The following KIF13B variants were observed in gnomAD, a reference collection of about 807,000 sequenced individuals.
KIF13B encodes kinesin-like protein KIF13B.
A neutral mutation model predicts 222.0 loss-of-function variants in KIF13B; 127 were observed. The observed-to-expected ratio is 0.57, with a 90% CI of 0.50 to 0.66. The LOEUF is 0.66. Among genes scored for constraint, KIF13B ranks in the 30% least tolerant of loss-of-function variants. The pLI, the probability that KIF13B is intolerant of heterozygous loss-of-function variation, is 0.00. For missense variants in KIF13B, 2,173 were observed against 2,379.0 expected (o/e 0.91, Z 1.80); for synonymous variants, 976 against 919.0 (o/e 1.06, Z -1.12).
At chr8:29,135,625 A>G (rs1202341448) in intron 21 of KIF13B, among the ~76,000 whole-genome samples, 3 of 152,184 alleles carry the variant, frequency 2.0e-5, no homozygotes, top group African/African-American at 7.2e-5. Flanking sequence ...CCACAAACAT[A>G]ACCTTAACAT....
chr8:29,202,159 C>T (rs1198115282), intron 2 of KIF13B, among the ~76,000 whole-genome samples: 6 of 152,056 alleles, frequency 3.9e-5, no homozygotes, highest in East Asian at 1.9e-4. Context: ...AGGGGAAATC[C>T]CTGTAGCTGG....
intron 2 of KIF13B, among the ~76,000 whole-genome samples, chr8:29,203,267 G>A (rs912471046): frequency 3.9e-5 from 6 of 152,158 alleles, no homozygotes; most frequent in African/African-American, 1.4e-4. Context: ...TCACCCATGT[G>A]GGACTGACCC....
chr8:29,101,898 C>T (rs1808804544), intron 35 of KIF13B, among the ~76,000 whole-genome samples: 1 of 150,482 alleles, frequency 6.6e-6, no homozygotes, highest in African/African-American at 2.5e-5. Context: ...AAACACTCCA[C>T]TGGAATTACT....
chr8:29,102,169 T>A (rs1342205164), intron 35 of KIF13B, among the ~76,000 whole-genome samples: 3 of 151,780 alleles, frequency 2.0e-5, no homozygotes, highest in Non-Finnish European at 4.4e-5. Context: ...GACCATGGAC[T>A]AAAAAGGACT....
Position 29,150,367 on chromosome 8 carries a change from AC to A in KIF13B, c.1551del (p.Ser518HisfsTer45). 6.4e-7 allele frequency: 1 copy of A among 1,573,746 alleles called. No homozygotes were observed. The highest frequency in any genetic ancestry group is 8.7e-7 in the Non-Finnish European group (1 of 1,146,896). Reference sequence around the variant, plus strand: ...AGCTGTATTGGACTGGAGACAGATGACCCATTTACAAATGTTCTGTAAGGAG... The same window carrying A: ...AGCTGTATTGGACTGGAGACAGATGACCATTTACAAATGTTCTGTAAGGAG... Reference protein sequence around the residue: ...PQKNTRTFVNGSSVSSPIQLH... With the variant: ...PQKNTRTFVNXSSVSSPIQLH... On this transcript the variant is annotated frameshift_variant, in exon 15 of 40. Coordinates refer to ENST00000524189, the MANE Select transcript of KIF13B (RefSeq NM_015254.4). LOFTEE classifies it high-confidence loss of function.
At chr8:29,169,187 GCA>G (rs1490908168) in intron 10 of KIF13B, among the ~76,000 whole-genome samples, 1 of 152,154 alleles carries the variant, frequency 6.6e-6, no homozygotes, top group Non-Finnish European at 1.5e-5. Flanking sequence ...CAGTCTTTGT[GCA>G]CACACTTTAC....
chr8:29,225,263 A>G (rs1814970100), intron 2 of KIF13B, among the ~76,000 whole-genome samples: 1 of 152,362 alleles, frequency 6.6e-6, no homozygotes, highest in South Asian at 2.1e-4. Context: ...GTCCAGCCAC[A>G]GTTATGAGCA....
intron 1 of KIF13B, 151 bp downstream of exon 1, chr8:29,262,829 G>A (rs1030783085): frequency 1.3e-5 from 7 of 544,256 alleles, no homozygotes; most frequent in Non-Finnish European, 2.2e-5. Flanking sequence ...GTCTCAGCGC[G>A]GGAGCGGGTT....
At chr8:29,192,098 T>A (rs1192461404) in intron 3 of KIF13B, among the ~76,000 whole-genome samples, 2 of 152,188 alleles carry the variant, frequency 1.3e-5, no homozygotes, top group Non-Finnish European at 2.9e-5. Context: ...ATGCTGTCAT[T>A]TCCATTACTG....
chr8:29,093,553 CACA>C (rs1427234533), intron 36 of KIF13B, among the ~76,000 whole-genome samples: 3 of 152,142 alleles, frequency 2.0e-5, no homozygotes, highest in Non-Finnish European at 2.9e-5. Context: ...GCCGTATTCA[CACA>C]ACATTTAGAA....
In KIF13B at chr8:29,102,691, G is replaced by A. The variant is rs76731922; in HGVS notation, c.4216-3450C>T. On this transcript the variant is annotated intron_variant, in intron 35 of 39. Transcript: ENST00000524189. ...TAACGAGAAGTGCCAGTGACATTTC[G>A]GGTCCAATGGCAGCTTTCACTGCAG... 5.8e-3 allele frequency among the ~76,000 whole-genome samples: 889 copies of A among 152,288 alleles called. 5 individuals carry two copies. Among genetic ancestry groups the A allele is most frequent in the African/African-American group, 0.021 (853 of 41,560 alleles).
At chr8:29,087,686 G>A (rs771152758) in intron 37 of KIF13B, among the ~76,000 whole-genome samples, 1 of 152,204 alleles carries the variant, frequency 6.6e-6, no homozygotes, top group East Asian at 1.9e-4. Context: ...GCCAGCATTT[G>A]CAAGCCCAGG....
chr8:29,163,566 T>C (rs930509237), intron 12 of KIF13B, among the ~76,000 whole-genome samples: 4 of 152,226 alleles, frequency 2.6e-5, no homozygotes, highest in African/African-American at 7.2e-5. Flanking sequence ...TTATTAACAC[T>C]TTGTAGCTCT....
At chr8:29,262,939 G>A (rs1006060836) in intron 1 of KIF13B, 41 bp downstream of exon 1, 5 of 1,514,746 alleles carry the variant, frequency 3.3e-6, no homozygotes, top group African/African-American at 2.9e-5. Flanking sequence ...CCAGGCACCT[G>A]CCGCCTCCGC....
At chr8:29,257,338 TG>T (rs202025477) in intron 1 of KIF13B, among the ~76,000 whole-genome samples, 63 of 150,568 alleles carry the variant, frequency 4.2e-4, no homozygotes, top group East Asian at 1.6e-3. Flanking sequence ...GTCGAGTTTT[TG>T]TTTTTTTTTT....
chr8:29,171,332 T>C (rs1026709202), intron 10 of KIF13B, among the ~76,000 whole-genome samples: 1 of 152,172 alleles, frequency 6.6e-6, no homozygotes, highest in African/African-American at 2.4e-5. Flanking sequence ...ACATCTATTC[T>C]GGACCAAATC....
rs1161670585 is a variant in KIF13B at position 29,071,362 on chromosome 8, G to C, written c.5218+258C>G. 1.3e-5 allele frequency among the ~76,000 whole-genome samples: 2 copies of C among 152,110 alleles called. No homozygotes were observed. Among genetic ancestry groups the C allele is most frequent in the Non-Finnish European group, 2.9e-5 (2 of 68,000 alleles). On this transcript the variant is annotated intron_variant, in intron 39 of 39. Coordinates refer to ENST00000524189, the MANE Select transcript of KIF13B (RefSeq NM_015254.4). The surrounding 1 kb of genome is among the most constrained non-coding windows in gnomAD (Gnocchi z 4.9). ...GCAGGGGAGACCGGAACAAAAGCGG[G>C]AACAGCCATGGCGATGGGGGGATGG... is the stretch of plus-strand genomic sequence containing the variant.
At chr8:29,115,775 G>A (rs866123854) in intron 31 of KIF13B, among the ~76,000 whole-genome samples, 9 of 151,984 alleles carry the variant, frequency 5.9e-5, no homozygotes, top group Non-Finnish European at 1.2e-4. Flanking sequence ...ATCCTGCCCC[G>A]TCCTGCCCTG....
intron 1 of KIF13B, among the ~76,000 whole-genome samples, chr8:29,259,826 TA>T (rs1229164763): frequency 1.3e-5 from 2 of 152,198 alleles, no homozygotes; most frequent in Non-Finnish European, 2.9e-5. Flanking sequence ...TATCTGCAAA[TA>T]GAACTTGAAG....
Sources: gnomAD v4.1 joint callset for allele counts (sites outside exome capture counted in the v4.1 genomes callset) on GRCh38, gnomAD v4.1.1 for gene constraint, Gnocchi (gnomAD v3.1) non-coding constraint, MANE v1.5 for transcripts, NCBI Gene and HGNC (gene_info 2026-07-23, HGNC 2026-07-21) for gene names.